Variants in NUP210 observed in about 807,000 individuals in gnomAD.
NUP210 encodes nucleoporin 210, also known as nuclear pore membrane glycoprotein 210.
In NUP210, 151 loss-of-function variants were observed where a neutral mutation model predicts 196.0. The ratio of observed to expected loss-of-function variants is 0.77; its 90% CI spans 0.67 to 0.88. NUP210 has a LOEUF of 0.88. Among genes scored for constraint, NUP210 ranks in the 40% least tolerant of loss-of-function variants. The probability of loss-of-function intolerance (pLI) is 0.00; values close to 1 mark genes in which losing one functional copy is unlikely to be tolerated. For missense variants in NUP210, 2,314 were observed against 2,493.7 expected (o/e 0.93, Z 1.53); for synonymous variants, 1,070 against 1,052.7 (o/e 1.02, Z -0.32).
chr3:13,323,262 C>T lies in NUP210; in HGVS notation c.4768+47G>A, dbSNP rs1323298668. 1.2e-6 allele frequency: 2 copies of T among 1,610,404 alleles called. No individual in the cohort carries two copies. Among genetic ancestry groups the T allele is most frequent in the East Asian group, 4.5e-5 (2 of 44,802 alleles). On this transcript the variant is annotated intron_variant, in intron 34 of 39. Coordinates refer to ENST00000254508, the MANE Select transcript of NUP210 (RefSeq NM_024923.4). This position sits in a 1 kb window ranked among gnomAD's most constrained non-coding sequence, Gnocchi z 4.3. The stretch of plus-strand genomic sequence containing the variant: ...TCCAGAGGACACAGGAAGCCACCTC[C>T]CCGCTCCCAGGTACTCTGAAGACAG...
At chr3:13,372,595 G>C (rs951901712) in intron 12 of NUP210, among the ~76,000 whole-genome samples, 2 of 152,180 alleles carry the variant, frequency 1.3e-5, no homozygotes, top group African/African-American at 4.8e-5. Context: ...GATGTGTTCT[G>C]AATGTCTGGC....
At chr3:13,363,410 G>C (rs1698433113) in intron 14 of NUP210, among the ~76,000 whole-genome samples, 1 of 152,224 alleles carries the variant, frequency 6.6e-6, no homozygotes, top group Admixed American at 6.5e-5. Flanking sequence ...AGCCCAAAGT[G>C]AAAGAACTGT....
At chr3:13,355,054 A>G (rs896305217) in intron 16 of NUP210, among the ~76,000 whole-genome samples, 10 of 152,322 alleles carry the variant, frequency 6.6e-5, no homozygotes, top group African/African-American at 2.2e-4. Context: ...TCCACCTCTC[A>G]GTGCCCAGGC....
chr3:13,377,626 G>A, intron 8 of NUP210, 64 bp from the exon 9 acceptor site: 2 of 1,224,310 alleles, frequency 1.6e-6, no homozygotes, highest in Non-Finnish European at 2.4e-6. Context: ...AGGAGGATGG[G>A]ACCACCACCC....
chr3:13,361,930 G>A (rs1291341596), intron 14 of NUP210, among the ~76,000 whole-genome samples: 4 of 151,962 alleles, frequency 2.6e-5, no homozygotes, highest in Non-Finnish European at 4.4e-5. Flanking sequence ...TCTCACTTAG[G>A]CGACCCCTCC....
At chr3:13,408,103 G>A (rs200502892) in intron 1 of NUP210, among the ~76,000 whole-genome samples, 1 of 152,180 alleles carries the variant, frequency 6.6e-6, no homozygotes, top group East Asian at 1.9e-4. Flanking sequence ...TCAGGTGTGG[G>A]TGGTGAATGT....
chr3:13,381,233 C>A (rs1003988823), intron 6 of NUP210, among the ~76,000 whole-genome samples: 1 of 152,232 alleles, frequency 6.6e-6, no homozygotes, highest in Admixed American at 6.5e-5. Context: ...GAAGCACTAG[C>A]TTCCTCCCTT....
At chr3:13,410,457 C>G (rs532429868) in intron 1 of NUP210, among the ~76,000 whole-genome samples, 18 of 147,838 alleles carry the variant, frequency 1.2e-4, no homozygotes, top group African/African-American at 7.4e-5. Context: ...GGATTACAGG[C>G]GTGAGCCACT....
At chr3:13,419,267 C>G (rs1576437314) in intron 1 of NUP210, among the ~76,000 whole-genome samples, 1 of 152,208 alleles carries the variant, frequency 6.6e-6, no homozygotes, top group Non-Finnish European at 1.5e-5. Context: ...GGCGCTCAGT[C>G]GTGCCCACGC....
chr3:13,327,486 C>T (rs753565287), intron 31 of NUP210, 49 bp from the exon 32 acceptor site: 1 of 1,364,560 alleles, frequency 7.3e-7, no homozygotes, highest in Admixed American at 1.9e-5. Flanking sequence ...AAAGAAGCTT[C>T]CAACTCCCAA....
At chr3:13,329,366 C>T (rs1273757054) in intron 30 of NUP210, among the ~76,000 whole-genome samples, 1 of 152,220 alleles carries the variant, frequency 6.6e-6, no homozygotes, top group Non-Finnish European at 1.5e-5. Context: ...TGCAGGCCAC[C>T]AGGGGAAGGA....
intron 1 of NUP210, among the ~76,000 whole-genome samples, chr3:13,413,703 G>A (rs1700252676): frequency 6.6e-6 from 1 of 152,162 alleles, no homozygotes; most frequent in South Asian, 2.1e-4. Flanking sequence ...AAAATAGGGA[G>A]TTGCTATTTA....
At chr3:13,370,633 C>T (rs995614858) in intron 13 of NUP210, among the ~76,000 whole-genome samples, 1 of 152,222 alleles carries the variant, frequency 6.6e-6, no homozygotes, top group Non-Finnish European at 1.5e-5. Flanking sequence ...GACTTTTCCT[C>T]CATCCTAAAT....
chr3:13,401,553 T>C (rs185460599), intron 1 of NUP210, among the ~76,000 whole-genome samples: 7 of 151,974 alleles, frequency 4.6e-5, no homozygotes, highest in Non-Finnish European at 1.0e-4. Context: ...TCCAGGAAAA[T>C]AGCATGGCAC....
rs1162751557 is a variant in NUP210 at position 13,397,341 on chromosome 3, C to G, written c.436+16G>C. The G allele has an allele frequency of 1.9e-6, 3 of 1,606,662 alleles. No individual in the cohort carries two copies. In the African/African-American group the frequency reaches 4.0e-5, roughly 22 times the overall value. On this transcript the variant is annotated intron_variant, in intron 3 of 39. Coordinates refer to ENST00000254508, the MANE Select transcript of NUP210 (RefSeq NM_024923.4). ...GCATGGGCTGCAGAAGACAAACAGG[C>G]AGGGGACGTTCTCACCTTCGGAGTC... is the stretch of plus-strand genomic sequence containing the variant.
intron 3 of NUP210, among the ~76,000 whole-genome samples, chr3:13,396,178 A>G (rs149431916): frequency 2.0e-5 from 3 of 152,192 alleles, no homozygotes; most frequent in African/African-American, 7.2e-5. Context: ...CACTACTAAC[A>G]TCTAGTACGT....
intron 19 of NUP210, 23 bp from the exon 20 acceptor site, chr3:13,352,003 G>C: frequency 6.2e-7 from 1 of 1,607,580 alleles, no homozygotes; most frequent in Non-Finnish European, 8.5e-7. Flanking sequence ...GATGCAGGGA[G>C]GGTTGGGCCG....
At chr3:13,320,434 C>T (rs1051801530) in intron 36 of NUP210, among the ~76,000 whole-genome samples, 1 of 151,950 alleles carries the variant, frequency 6.6e-6, no homozygotes, top group Non-Finnish European at 1.5e-5. Context: ...GAGATCGAGA[C>T]CAGCCTGGCT....
intron 15 of NUP210, 129 bp from the exon 16 acceptor site, chr3:13,358,524 C>A: frequency 1.1e-6 from 1 of 879,328 alleles, no homozygotes; most frequent in Non-Finnish European, 1.7e-6. Flanking sequence ...GATGACGATA[C>A]CCATGCCACA....
Sources: allele counts gnomAD v4.1 joint callset (sites outside exome capture counted in the v4.1 genomes callset), GRCh38; gene constraint gnomAD v4.1.1; non-coding constraint Gnocchi (gnomAD v3.1); transcripts MANE v1.5; gene names NCBI Gene and HGNC (gene_info 2026-07-23, HGNC 2026-07-21).